Variants in TENM3 observed in about 807,000 individuals in gnomAD.
TENM3 encodes teneurin-3.
TENM3 carries 63 observed loss-of-function variants against 255.1 expected under a neutral mutation model. The observed-to-expected ratio is 0.25, with a 90% CI of 0.20 to 0.30. The LOEUF (loss-of-function observed/expected upper bound fraction) is 0.30. Ranked by LOEUF, TENM3 falls within the 10% of genes least tolerant of loss-of-function variation. The pLI, the probability that TENM3 is intolerant of heterozygous loss-of-function variation, is 1.00. For missense variants in TENM3, 2,929 were observed against 3,461.1 expected (o/e 0.85, Z 3.86); for synonymous variants, 1,306 against 1,322.3 (o/e 0.99, Z 0.27).
the TENM3 span, among the ~76,000 whole-genome samples, chr4:181,801,745 TG>T: frequency 7.0e-6 from 1 of 142,642 alleles, no homozygotes; most frequent in African/African-American, 2.6e-5. Context: ...ACTTACTACC[TG>T]GCCCTTTAGA....
At chr4:181,815,581 A>C in the TENM3 span, among the ~76,000 whole-genome samples, 3 of 152,100 alleles carry the variant, frequency 2.0e-5, no homozygotes, top group Admixed American at 2.0e-4. Flanking sequence ...AAAAATATAG[A>C]GGTTAATTAA....
At chr4:181,754,745 T>A in the TENM3 span, among the ~76,000 whole-genome samples, 5 of 152,246 alleles carry the variant, frequency 3.3e-5, no homozygotes, top group African/African-American at 1.2e-4. Context: ...GCAACTACAG[T>A]CATGACTCTC....
At chr4:182,186,389 A>G (rs1561178386) in intron 1 of TENM3, among the ~76,000 whole-genome samples, 1 of 152,096 alleles carries the variant, frequency 6.6e-6, no homozygotes, top group Non-Finnish European at 1.5e-5. Context: ...TATTCCTTTT[A>G]CAAAATTCAC....
intron 3 of TENM3, among the ~76,000 whole-genome samples, chr4:182,409,701 C>T (rs1451458288): frequency 2.0e-5 from 3 of 152,116 alleles, no homozygotes; most frequent in Non-Finnish European, 4.4e-5. Flanking sequence ...ATTCTGAGGA[C>T]AATGCCATAA....
intron 1 of TENM3, among the ~76,000 whole-genome samples, chr4:182,155,124 G>C (rs1327942385): frequency 2.6e-5 from 4 of 152,088 alleles, no homozygotes; most frequent in African/African-American, 9.7e-5. Flanking sequence ...AAAATACCAA[G>C]TATTGGCTAA....
the TENM3 span, among the ~76,000 whole-genome samples, chr4:181,657,733 G>A: frequency 6.6e-6 from 1 of 152,096 alleles, no homozygotes; most frequent in African/African-American, 2.4e-5. Flanking sequence ...CAACCTAGAT[G>A]CCCATCAATG....
chr4:182,618,822 G>A (rs540302819), intron 4 of TENM3, among the ~76,000 whole-genome samples: 43 of 152,202 alleles, frequency 2.8e-4, no homozygotes, highest in African/African-American at 9.2e-4. Flanking sequence ...CTGCTAAGCA[G>A]GTTAAAAGAA....
intron 1 of TENM3, among the ~76,000 whole-genome samples, chr4:182,223,326 T>G (rs1198282926): frequency 6.6e-6 from 1 of 152,200 alleles, no homozygotes; most frequent in African/African-American, 2.4e-5. Context: ...ATAAAATCAG[T>G]ACTGGATTTC....
the TENM3 span, among the ~76,000 whole-genome samples, chr4:182,125,111 CTG>C: frequency 7.6e-6 from 1 of 130,928 alleles, no homozygotes; most frequent in Non-Finnish European, 1.6e-5. Flanking sequence ...CGCATCCACG[CTG>C]TGTGTGCTAC....
the TENM3 span, among the ~76,000 whole-genome samples, chr4:181,633,418 T>C: frequency 0.066 from 10,001 of 152,190 alleles, 439 homozygotes; most frequent in East Asian, 0.14. Context: ...GCACCTGACA[T>C]TGAATTTTTT....
chr4:182,272,123 T>TA (rs933194850), intron 1 of TENM3, among the ~76,000 whole-genome samples: 2 of 152,202 alleles, frequency 1.3e-5, no homozygotes, highest in African/African-American at 2.4e-5. Context: ...GTTCGAGGTA[T>TA]AGATGTCTTA....
At chr4:181,665,189 A>T in the TENM3 span, among the ~76,000 whole-genome samples, 1 of 152,144 alleles carries the variant, frequency 6.6e-6, no homozygotes, top group Admixed American at 6.6e-5. Context: ...GCACCAGAAC[A>T]TCATCTCTTT....
chr4:182,415,404 G>A (rs2151102764), intron 3 of TENM3, among the ~76,000 whole-genome samples: 1 of 152,238 alleles, frequency 6.6e-6, no homozygotes, highest in African/African-American at 2.4e-5. Context: ...AGTACTCTCT[G>A]AAATTATTTT....
At chr4:182,423,921 G>GA (rs1196129460) in intron 3 of TENM3, among the ~76,000 whole-genome samples, 1 of 152,096 alleles carries the variant, frequency 6.6e-6, no homozygotes, top group East Asian at 1.9e-4. Flanking sequence ...TGTACTTAAT[G>GA]AAAAAAAGAA....
intron 7 of TENM3, among the ~76,000 whole-genome samples, chr4:182,678,981 T>C (rs948752622): frequency 1.3e-5 from 2 of 152,168 alleles, no homozygotes; most frequent in South Asian, 2.1e-4. Flanking sequence ...AAACGCCGCA[T>C]GTTCTCACTC....
intron 3 of TENM3, among the ~76,000 whole-genome samples, chr4:182,403,480 A>G (rs1012442750): frequency 2.0e-5 from 3 of 152,230 alleles, no homozygotes; most frequent in Non-Finnish European, 4.4e-5. Flanking sequence ...TTATGTCTCA[A>G]AGAATTTTAG....
At chr4:182,475,853 C>T (rs904530450) in intron 3 of TENM3, among the ~76,000 whole-genome samples, 2 of 152,144 alleles carry the variant, frequency 1.3e-5, no homozygotes, top group African/African-American at 2.4e-5. Context: ...AATTCAGTAT[C>T]CCTCAAGTGA....
intron 3 of TENM3, among the ~76,000 whole-genome samples, chr4:182,359,097 G>A (rs1765769510): frequency 6.6e-6 from 1 of 151,746 alleles, no homozygotes; most frequent in Non-Finnish European, 1.5e-5. Context: ...TAAGCTTTTT[G>A]ATGTGCTGCT....
the TENM3 span, among the ~76,000 whole-genome samples, chr4:181,716,247 A>G: frequency 5.3e-5 from 8 of 152,216 alleles, no homozygotes; most frequent in Admixed American, 2.0e-4. Flanking sequence ...AGTAAAAAGA[A>G]ACCAATTTTA....
Sources: allele counts gnomAD v4.1 joint callset (sites outside exome capture counted in the v4.1 genomes callset), GRCh38; gene constraint gnomAD v4.1.1; transcripts MANE v1.5; gene names NCBI Gene and HGNC (gene_info 2026-07-23, HGNC 2026-07-21).